Variants in PCDHA10 observed in about 807,000 individuals in gnomAD.
PCDHA10 encodes protocadherin alpha-10.
Under a neutral mutation model 61.2 loss-of-function variants are expected in PCDHA10, and 45 were observed. The ratio of observed to expected loss-of-function variants is 0.74; its 90% CI spans 0.58 to 0.94. The LOEUF is 0.94. Ranked by LOEUF, PCDHA10 falls within the 40% of genes least tolerant of loss-of-function variation. The pLI is 0.00. For missense variants in PCDHA10, 1,278 were observed against 1,236.2 expected (o/e 1.03, Z -0.51); for synonymous variants, 602 against 548.8 (o/e 1.10, Z -1.35).
At chr5:140,954,076 C>T (rs941125208) in intron 1 of PCDHA10, among the ~76,000 whole-genome samples, 4 of 152,150 alleles carry the variant, frequency 2.6e-5, no homozygotes, top group Non-Finnish European at 2.9e-5. Context: ...AGGATAATGG[C>T]TTCCAGCTCC....
At position 140,984,581 on chromosome 5, in the gene PCDHA10, C is replaced by T. The variant is rs141574202; in HGVS notation, c.2536+2018C>T. ...TCCAACTACTCCATGGCAACCTAAT[C>T]ATACTTTTCAATACATACCTCTGCA... On this transcript the variant is annotated intron_variant, in intron 3 of 3. Transcript: ENST00000307360. 4.4e-3 allele frequency among the ~76,000 whole-genome samples: 664 copies of T among 152,272 alleles called. 7 individuals carry two copies. The highest frequency in any genetic ancestry group is 0.013 in the African/African-American group (558 of 41,552).
chr5:140,878,313 AT>A (rs2057535405), intron 1 of PCDHA10, among the ~76,000 whole-genome samples: 1 of 152,186 alleles, frequency 6.6e-6, no homozygotes, highest in Non-Finnish European at 1.5e-5. Flanking sequence ...CAATCTAGAC[AT>A]TTTCACATTA....
At chr5:140,972,612 C>T (rs1554234244) in intron 1 of PCDHA10, among the ~76,000 whole-genome samples, 2 of 151,080 alleles carry the variant, frequency 1.3e-5, no homozygotes, top group African/African-American at 4.9e-5. Context: ...GAACTTGATA[C>T]TGAATGTTGT....
intron 1 of PCDHA10, among the ~76,000 whole-genome samples, chr5:140,898,151 CT>C (rs2066567806): frequency 6.6e-6 from 1 of 152,158 alleles, no homozygotes; most frequent in Admixed American, 6.5e-5. Context: ...CCTGTTCACG[CT>C]GATGGTGGTT....
intron 1 of PCDHA10, among the ~76,000 whole-genome samples, chr5:140,904,023 A>G (rs2070780912): frequency 1.3e-5 from 2 of 152,198 alleles, no homozygotes; most frequent in Admixed American, 6.5e-5. Flanking sequence ...AAATAATGGT[A>G]TAATTTAACT....
intron 1 of PCDHA10, among the ~76,000 whole-genome samples, chr5:140,950,482 T>C (rs1384931498): frequency 6.6e-6 from 1 of 152,106 alleles, no homozygotes; most frequent in African/African-American, 2.4e-5. Flanking sequence ...TGATGAGAAG[T>C]GTGTAGTCAT....
chr5:140,922,172 C>T (rs1466116071), intron 1 of PCDHA10, among the ~76,000 whole-genome samples: 2 of 134,528 alleles, frequency 1.5e-5, no homozygotes, highest in Non-Finnish European at 3.3e-5. Context: ...AAAAGTACAG[C>T]AGACAAAAAA....
intron 1 of PCDHA10, among the ~76,000 whole-genome samples, chr5:140,886,851 AG>A (rs2061199020): frequency 6.6e-6 from 1 of 151,608 alleles, no homozygotes; most frequent in South Asian, 2.1e-4. Context: ...AAAAAAAGAA[AG>A]GTCTTCCCAA....
At chr5:140,924,477 T>C (rs1378646713) in intron 1 of PCDHA10, among the ~76,000 whole-genome samples, 1 of 152,230 alleles carries the variant, frequency 6.6e-6, no homozygotes, top group Admixed American at 6.5e-5. Context: ...AACTGGTTTT[T>C]AGTGGAACAC....
intron 1 of PCDHA10, chr5:140,966,695 C>G: frequency 7.4e-7 from 1 of 1,358,486 alleles, no homozygotes; most frequent in Non-Finnish European, 9.5e-7. Flanking sequence ...AGGCGGGGCC[C>G]GGGCGTGGGG....
chr5:140,880,147 A>G (rs986031880), intron 1 of PCDHA10, among the ~76,000 whole-genome samples: 1 of 152,254 alleles, frequency 6.6e-6, no homozygotes, highest in African/African-American at 2.4e-5. Context: ...AAAGTGCAAT[A>G]TATCAAGTAT....
chr5:140,884,204 C>A (rs1410511984), intron 1 of PCDHA10: 1 of 1,613,382 alleles, frequency 6.2e-7, no homozygotes, highest in Non-Finnish European at 8.5e-7. Flanking sequence ...GCCGCACCAC[C>A]GCCTTCTGGT....
At chr5:140,882,375 C>G (rs879994353) in intron 1 of PCDHA10, 2 of 1,614,094 alleles carry the variant, frequency 1.2e-6, no homozygotes, top group Non-Finnish European at 1.7e-6. Context: ...TACTCCGTCC[C>G]CGAGGAAGCA....
chr5:140,922,072 A>G (rs1390677282), intron 1 of PCDHA10, among the ~76,000 whole-genome samples: 1 of 152,198 alleles, frequency 6.6e-6, no homozygotes. Flanking sequence ...AATCCCACTA[A>G]GCAAAAAGTG....
chr5:140,967,273 A>G lies in PCDHA10; in HGVS notation c.2389-11676A>G, dbSNP rs2096121712. The G allele has an allele frequency of 1.9e-6, 3 of 1,613,332 alleles. No individual in the cohort carries two copies. Among genetic ancestry groups the G allele is most frequent in the South Asian group, 2.2e-5 (2 of 91,074 alleles). On this transcript the variant is annotated intron_variant, in intron 1 of 3. Transcript: ENST00000307360. ...TGGCGCCTGGAGCGCGCTTTCACAT[A>G]GAGAGTGCGCAGGACCCCGACGTGG...
At chr5:140,923,664 T>C (rs898223251) in intron 1 of PCDHA10, among the ~76,000 whole-genome samples, 1 of 152,234 alleles carries the variant, frequency 6.6e-6, no homozygotes, top group Non-Finnish European at 1.5e-5. Context: ...CTTTGGGATA[T>C]CGTTCTCTCT....
At chr5:140,874,185 G>A (rs551629220) in intron 1 of PCDHA10, among the ~76,000 whole-genome samples, 33 of 152,158 alleles carry the variant, frequency 2.2e-4, no homozygotes, top group Non-Finnish European at 4.6e-4. Context: ...TTGTAAAGGT[G>A]TCATATTTCA....
chr5:140,904,700 C>A (rs1228017325), intron 1 of PCDHA10, among the ~76,000 whole-genome samples: 1 of 152,028 alleles, frequency 6.6e-6, no homozygotes, highest in Non-Finnish European at 1.5e-5. Flanking sequence ...AAATTGTTCC[C>A]TTTTCACCAC....
Position 140,928,590 on chromosome 5 carries a change from A to G in PCDHA10, c.2389-50359A>G, listed in dbSNP as rs78699363. The G allele has an allele frequency of 6.8e-4, 1,101 of 1,614,224 alleles. 1 individual carries two copies. Among genetic ancestry groups the G allele is most frequent in the Non-Finnish European group, 8.8e-4 (1,041 of 1,180,028 alleles). On this transcript the variant is annotated intron_variant, in intron 1 of 3. Coordinates refer to ENST00000307360, the MANE Select transcript of PCDHA10 (RefSeq NM_018901.4). ...CCTTGCCCAGAAATGGTTCTGTCCC[A>G]GTGGAAATTGTGCCCCGCTCTGCCA...
Sources: gnomAD v4.1 joint callset for allele counts (sites outside exome capture counted in the v4.1 genomes callset) on GRCh38, gnomAD v4.1.1 for gene constraint, MANE v1.5 for transcripts, NCBI Gene and HGNC (gene_info 2026-07-23, HGNC 2026-07-21) for gene names.